The following GLRA2 variants were observed in gnomAD, a reference collection of about 807,000 sequenced individuals.
The protein encoded by GLRA2 is glycine receptor subunit alpha-2.
Under a neutral mutation model 31.6 loss-of-function variants are expected in GLRA2, and 11 were observed. The observed-to-expected ratio is 0.35, with a 90% CI of 0.22 to 0.58. GLRA2 has a LOEUF of 0.58. Among genes scored for constraint, GLRA2 ranks in the 20% least tolerant of loss-of-function variants. The pLI is 0.84. For synonymous variants in GLRA2, 132 were observed against 134.0 expected, an observed-to-expected ratio of 0.99 and a Z score of 0.10; for missense variants, 212 against 351.8, an observed-to-expected ratio of 0.60 and a Z score of 3.18.
At chrX:14,709,126 T>C (rs2091676085) in intron 8 of GLRA2, among the ~76,000 whole-genome samples, 1 of 111,218 alleles carries the variant, frequency 9.0e-6, no homozygotes. Flanking sequence ...TCCCTGCTAC[T>C]TGAGTGGCTG....
At chrX:14,504,289 T>C in the GLRA2 span, among the ~76,000 whole-genome samples, 9 of 112,305 alleles carry the variant, frequency 8.0e-5, no homozygotes, top group Non-Finnish European at 1.5e-4. Context: ...TTAAATGCTC[T>C]GTGACATGAA....
chrX:14,471,235 A>G, the GLRA2 span, among the ~76,000 whole-genome samples: 1 of 112,099 alleles, frequency 8.9e-6, no homozygotes, highest in South Asian at 3.7e-4. Context: ...GCAAAACAGT[A>G]AAGCAGTTAA....
the GLRA2 span, among the ~76,000 whole-genome samples, chrX:14,464,080 A>G: frequency 8.9e-6 from 1 of 112,210 alleles, no homozygotes; most frequent in African/African-American, 3.2e-5. Context: ...TATATTATAG[A>G]TATTAATTCC....
At chrX:14,545,211 G>T (rs1206992400) in intron 2 of GLRA2, among the ~76,000 whole-genome samples, 1 of 111,773 alleles carries the variant, frequency 8.9e-6, no homozygotes, top group Non-Finnish European at 1.9e-5. Flanking sequence ...GAAGATTCGA[G>T]ATTTATTTCT....
chrX:14,622,938 G>A (rs1366715706), intron 7 of GLRA2, among the ~76,000 whole-genome samples: 1 of 111,777 alleles, frequency 8.9e-6, no homozygotes, highest in African/African-American at 3.3e-5. Context: ...ATTACCTTGG[G>A]CAGTATGGCC....
chrX:14,502,050 T>A, the GLRA2 span, among the ~76,000 whole-genome samples: 5 of 111,923 alleles, frequency 4.5e-5, no homozygotes, highest in East Asian at 1.4e-3. Context: ...TAAGTACTTT[T>A]TAAAAACCCT....
the GLRA2 span, among the ~76,000 whole-genome samples, chrX:14,458,704 C>T: frequency 8.9e-6 from 1 of 111,960 alleles, no homozygotes; most frequent in East Asian, 2.8e-4. Flanking sequence ...CCTTCGCCCA[C>T]TTGTTGATGG....
chrX:14,573,411 G>A (rs921843394), intron 2 of GLRA2, among the ~76,000 whole-genome samples: 1 of 112,055 alleles, frequency 8.9e-6, no homozygotes, highest in African/African-American at 3.2e-5. Context: ...GCACTGGGCT[G>A]CTGATCCTTT....
the GLRA2 span, among the ~76,000 whole-genome samples, chrX:14,458,894 A>T: frequency 1.8e-5 from 2 of 111,407 alleles, no homozygotes; most frequent in African/African-American, 6.6e-5. Flanking sequence ...CCATTTGTCA[A>T]TTTTGGCTTT....
At chrX:14,487,827 T>C in the GLRA2 span, among the ~76,000 whole-genome samples, 1 of 111,723 alleles carries the variant, frequency 9.0e-6, no homozygotes, top group Non-Finnish European at 1.9e-5. Flanking sequence ...AAGCAGGCAT[T>C]GCTAATCTGA....
At chrX:14,455,855 A>G in the GLRA2 span, among the ~76,000 whole-genome samples, 1 of 111,913 alleles carries the variant, frequency 8.9e-6, no homozygotes, top group Admixed American at 9.5e-5. Context: ...TGTACCATGT[A>G]TATTCCTTTA....
the GLRA2 span, among the ~76,000 whole-genome samples, chrX:14,468,154 A>T: frequency 8.9e-6 from 1 of 112,177 alleles, no homozygotes; most frequent in Non-Finnish European, 1.9e-5. Flanking sequence ...TGAGTAAAAA[A>T]TGTTGAATAC....
At chrX:14,705,475 A>C (rs897182615) in intron 8 of GLRA2, among the ~76,000 whole-genome samples, 3 of 111,945 alleles carry the variant, frequency 2.7e-5, no homozygotes, top group African/African-American at 9.7e-5. Flanking sequence ...ATAGCAAAGA[A>C]TCATCTGACC....
chrX:14,692,251 C>T (rs1206418587), intron 8 of GLRA2, among the ~76,000 whole-genome samples: 1 of 112,344 alleles, frequency 8.9e-6, no homozygotes, highest in Non-Finnish European at 1.9e-5. Flanking sequence ...CTGTACATTA[C>T]CTTTTAATGT....
At chrX:14,569,900 G>A (rs1416619801) in intron 2 of GLRA2, among the ~76,000 whole-genome samples, 1 of 112,072 alleles carries the variant, frequency 8.9e-6, no homozygotes, top group African/African-American at 3.2e-5. Context: ...TACATACAAT[G>A]GAATATTTTT....
intron 7 of GLRA2, among the ~76,000 whole-genome samples, chrX:14,675,848 A>G (rs1384466122): frequency 8.9e-6 from 1 of 112,457 alleles, no homozygotes; most frequent in Non-Finnish European, 1.9e-5. Context: ...TACTGAATAT[A>G]GGTAAGAGAT....
At chrX:14,449,450 T>C in the GLRA2 span, among the ~76,000 whole-genome samples, 1 of 112,460 alleles carries the variant, frequency 8.9e-6, no homozygotes, top group Non-Finnish European at 1.9e-5. Context: ...CAGATGCAGC[T>C]TCAGTAAAAT....
chrX:14,632,784 A>T (rs1207307835), intron 7 of GLRA2, among the ~76,000 whole-genome samples: 2 of 111,565 alleles, frequency 1.8e-5, no homozygotes, highest in African/African-American at 6.5e-5. Flanking sequence ...CTGCCACTAA[A>T]TCACATATTC....
chrX:14,657,307 A>G (rs897912694), intron 7 of GLRA2, among the ~76,000 whole-genome samples: 2 of 112,403 alleles, frequency 1.8e-5, no homozygotes, highest in Admixed American at 1.9e-4. Flanking sequence ...TTTCCAATAT[A>G]GTAATATTTT....
Sources: allele counts gnomAD v4.1 joint callset (sites outside exome capture counted in the v4.1 genomes callset), GRCh38; gene constraint gnomAD v4.1.1; transcripts MANE v1.5; gene names NCBI Gene and HGNC (gene_info 2026-07-23, HGNC 2026-07-21).